Variants in CCNB1IP1 observed in about 807,000 individuals in gnomAD.
The protein encoded by CCNB1IP1 is cyclin B1 interacting protein 1.
Under a neutral mutation model 25.6 loss-of-function variants are expected in CCNB1IP1, and 14 were observed. The ratio of observed to expected loss-of-function variants is 0.55; its 90% CI spans 0.36 to 0.85. The LOEUF is 0.85. Among genes scored for constraint, CCNB1IP1 ranks in the 40% least tolerant of loss-of-function variants. The pLI is 0.01. For synonymous variants in CCNB1IP1, 119 were observed against 116.1 expected (o/e 1.02, Z -0.16); for missense variants, 278 against 342.4 (o/e 0.81, Z 1.48).
intron 2 of CCNB1IP1, among the ~76,000 whole-genome samples, chr14:20,327,245 C>T (rs577923248): frequency 6.6e-6 from 1 of 152,152 alleles, no homozygotes; most frequent in African/African-American, 2.4e-5. Context: ...AACAGTTATG[C>T]AAGAGGAAGG....
chr14:20,327,470 GT>G (rs1273486869), intron 2 of CCNB1IP1, among the ~76,000 whole-genome samples: 2 of 151,326 alleles, frequency 1.3e-5, no homozygotes, highest in Admixed American at 6.6e-5. Context: ...CAAGATGGCA[GT>G]GTAAGAAAGA....
chr14:20,327,125 G>T (rs1191977604), intron 2 of CCNB1IP1, among the ~76,000 whole-genome samples: 1 of 151,770 alleles, frequency 6.6e-6, no homozygotes, highest in Non-Finnish European at 1.5e-5. Flanking sequence ...AACCGAGCAG[G>T]ACCCCTACAC....
chr14:20,315,758 A>C, intron 5 of CCNB1IP1: 2 of 1,237,886 alleles, frequency 1.6e-6, no homozygotes, highest in Non-Finnish European at 2.1e-6. Context: ...TTAACTAAAA[A>C]ATATTTAACA....
chr14:20,322,952 G>A (rs555246551), intron 4 of CCNB1IP1, among the ~76,000 whole-genome samples: 18 of 152,196 alleles, frequency 1.2e-4, no homozygotes, highest in Admixed American at 6.5e-4. Flanking sequence ...CTGCCCTGAC[G>A]TGTGTGAGCA....
chr14:20,315,919 C>T (rs1249322298), intron 5 of CCNB1IP1: 2 of 445,234 alleles, frequency 4.5e-6, no homozygotes, highest in Non-Finnish European at 8.2e-6. Context: ...ATACTGTCAA[C>T]TCTTAACAAT....
chr14:20,311,878 AAC>A lies in CCNB1IP1; in HGVS notation c.632-128_632-127del, dbSNP rs536699185. ...TTCTCCAATATTTGTCTTAGAAAAA[AAC>A]AGACATATAAAATCTTTTACCCCAG... On this transcript the variant is annotated intron_variant, in intron 6 of 6. Coordinates refer to ENST00000358932, the MANE Select transcript of CCNB1IP1 (RefSeq NM_021178.5). 4,777 of 552,702 alleles carry A rather than the reference AAC, an allele frequency of 8.6e-3. 47 individuals are homozygous for A. The highest frequency in any genetic ancestry group is 8.0e-3 in the Non-Finnish European group (2,765 of 344,926). 34.2% of individuals were successfully genotyped at this position (552,702 alleles called of 1,614,324 possible).
intron 1 of CCNB1IP1, among the ~76,000 whole-genome samples, chr14:20,332,026 A>ATATATATATATATATATAT (rs59034398): frequency 4.9e-5 from 2 of 40,742 alleles, no homozygotes; most frequent in Non-Finnish European, 8.8e-5. Flanking sequence ...ATATATATAT[A>ATATATATATATATATATAT]TTTTTTTTTT....
intron 1 of CCNB1IP1, among the ~76,000 whole-genome samples, chr14:20,329,901 G>A (rs1036560701): frequency 4.6e-5 from 7 of 151,242 alleles, no homozygotes; most frequent in Non-Finnish European, 8.8e-5. Context: ...CTAAACTTCA[G>A]CTGTCCCCTC....
At chr14:20,316,818 T>C (rs1341101494) in intron 4 of CCNB1IP1, among the ~76,000 whole-genome samples, 2 of 152,142 alleles carry the variant, frequency 1.3e-5, no homozygotes, top group African/African-American at 2.4e-5. Flanking sequence ...AAAAATAATA[T>C]ATACGTGGGC....
intron 5 of CCNB1IP1, among the ~76,000 whole-genome samples, chr14:20,315,136 C>CAAAAAAAAAAAAAAAAAAAAAAA (rs1159450735): frequency 5.5e-4 from 5 of 9,066 alleles, no homozygotes; most frequent in Non-Finnish European, 9.9e-4. Context: ...TACACCTCAC[C>CAAAAAAAAAAAAAAAAAAAAAAA]AAAAAAAAAA....
At chr14:20,314,484 T>G (rs1282421628) in intron 5 of CCNB1IP1, 1 of 152,106 alleles carries the variant, frequency 6.6e-6, no homozygotes, top group Non-Finnish European at 1.5e-5. Context: ...GACTTAAACA[T>G]AAAATGCAAA....
At chr14:20,311,913 AT>A (rs988248821) in intron 6 of CCNB1IP1, among the ~76,000 whole-genome samples, 161 bp from the exon 7 acceptor site, 8 of 152,282 alleles carry the variant, frequency 5.3e-5, no homozygotes, top group African/African-American at 1.7e-4. Flanking sequence ...CAGGTTAAGA[AT>A]TTTTTTAAAA....
At chr14:20,323,164 C>A (rs1182438312) in intron 4 of CCNB1IP1, 1 of 152,060 alleles carries the variant, frequency 6.6e-6, no homozygotes, top group East Asian at 1.9e-4. Flanking sequence ...AATCTGGAAT[C>A]ACCACCCGTT....
chr14:20,315,946 TCTTA>T, intron 5 of CCNB1IP1: 1 of 451,578 alleles, frequency 2.2e-6, no homozygotes, highest in Non-Finnish European at 4.0e-6. Flanking sequence ...GTGTGTGTTA[TCTTA>T]CTTTTATACA....
chr14:20,312,404 C>CAGGG (rs1882525950), intron 6 of CCNB1IP1, among the ~76,000 whole-genome samples: 1 of 151,400 alleles, frequency 6.6e-6, no homozygotes, highest in South Asian at 2.1e-4. Flanking sequence ...TTTGTAGAGA[C>CAGGG]AGGGTCTCAC....
intron 1 of CCNB1IP1, among the ~76,000 whole-genome samples, chr14:20,331,046 C>T (rs888957439): frequency 6.6e-6 from 1 of 152,256 alleles, no homozygotes; most frequent in Non-Finnish European, 1.5e-5. Flanking sequence ...CCTAAAAAAC[C>T]GGAACTAAGC....
At chr14:20,332,755 G>A (rs1179615889) in intron 1 of CCNB1IP1, 6 of 152,170 alleles carry the variant, frequency 3.9e-5, no homozygotes, top group African/African-American at 1.4e-4. Flanking sequence ...CAAGAAAGCC[G>A]AAATGATCTG....
chr14:20,330,973 T>C (rs1227214631), intron 1 of CCNB1IP1: 1 of 152,194 alleles, frequency 6.6e-6, no homozygotes, highest in Non-Finnish European at 1.5e-5. Flanking sequence ...TATGAAGTCT[T>C]ATTAACAAAA....
intron 6 of CCNB1IP1, among the ~76,000 whole-genome samples, chr14:20,313,137 ACAC>A: frequency 6.6e-6 from 1 of 152,190 alleles, no homozygotes; most frequent in African/African-American, 2.4e-5. Flanking sequence ...TTTATATAAA[ACAC>A]AACAGTGCCT....
Sources: allele counts gnomAD v4.1 joint callset (sites outside exome capture counted in the v4.1 genomes callset), GRCh38; gene constraint gnomAD v4.1.1; transcripts MANE v1.5; gene names NCBI Gene and HGNC (gene_info 2026-07-23, HGNC 2026-07-21).